Variants in WNK1 observed in about 807,000 individuals in gnomAD.
WNK1 encodes WNK lysine deficient protein kinase 1.
In WNK1, 38 loss-of-function variants were observed where a neutral mutation model predicts 222.8. The ratio of observed to expected loss-of-function variants is 0.17; its 90% CI spans 0.13 to 0.22. The LOEUF is 0.22. Ranked by LOEUF, WNK1 falls within the 10% of genes least tolerant of loss-of-function variation. WNK1 has a pLI of 1.00. For synonymous variants in WNK1, 1,090 were observed against 1,092.9 expected, an observed-to-expected ratio of 1.00 and a Z score of 0.05; for missense variants, 2,348 against 2,918.4, an observed-to-expected ratio of 0.80 and a Z score of 4.50.
At position 752,888 on chromosome 12, in the gene WNK1, G is replaced by A. The variant is rs1017765145; in HGVS notation, c.-678G>A. The A allele has an allele frequency of 3.9e-5, 6 of 152,190 alleles. No individual in the cohort carries two copies. Among genetic ancestry groups the A allele is most frequent in the East Asian group, 1.9e-4 (1 of 5,186 alleles). 9.4% of individuals were successfully genotyped at this position (152,190 alleles called of 1,614,324 possible). A position where few individuals can be genotyped will look rare whatever the true frequency, so the allele number is the denominator to read the frequency against. On this transcript the variant is annotated 5_prime_UTR_variant, in exon 1 of 28. Coordinates refer to ENST00000315939, the MANE Select transcript of WNK1 (RefSeq NM_018979.4). ...CGGGCGGGGAGGCCTCGGGGAAGGGGGGGCCCGCTCCTCAGGCGCCGAGGC... is the reference window on the plus strand; with the variant it reads ...CGGGCGGGGAGGCCTCGGGGAAGGGAGGGCCCGCTCCTCAGGCGCCGAGGC...
intron 4 of WNK1, among the ~76,000 whole-genome samples, chr12:839,188 G>A (rs933916487): frequency 1.6e-4 from 25 of 152,160 alleles, no homozygotes; most frequent in Non-Finnish European, 1.3e-4. Context: ...TATATATGAA[G>A]ATGCATGATT....
At chr12:776,404 T>TGTGTGTG (rs1943087132) in intron 1 of WNK1, among the ~76,000 whole-genome samples, 1 of 56,446 alleles carries the variant, frequency 1.8e-5, no homozygotes, top group African/African-American at 6.0e-5. Flanking sequence ...CTGTGTGTGT[T>TGTGTGTG]TGTGTGTTTG....
At chr12:808,908 C>T (rs1468236822) in intron 1 of WNK1, among the ~76,000 whole-genome samples, 1 of 151,854 alleles carries the variant, frequency 6.6e-6, no homozygotes, top group African/African-American at 2.4e-5. Context: ...GGATTACAGG[C>T]GCCTGCCACC....
At chr12:777,534 G>A (rs1473782054) in intron 1 of WNK1, among the ~76,000 whole-genome samples, 1 of 152,180 alleles carries the variant, frequency 6.6e-6, no homozygotes, top group Admixed American at 6.5e-5. Context: ...TTAGGCACTT[G>A]TGTTACTTTG....
intron 5 of WNK1, among the ~76,000 whole-genome samples, chr12:858,673 A>C (rs1950967310): frequency 6.6e-6 from 1 of 152,152 alleles, no homozygotes; most frequent in African/African-American, 2.4e-5. Context: ...AGAAACAAAA[A>C]TATTTATTTT....
intron 1 of WNK1, among the ~76,000 whole-genome samples, chr12:811,557 A>C (rs1431847616): frequency 6.6e-6 from 1 of 152,134 alleles, no homozygotes; most frequent in Non-Finnish European, 1.5e-5. Context: ...GTAAATGGCA[A>C]ATACTTGGCA....
At chr12:758,700 C>T (rs774868565) in intron 1 of WNK1, among the ~76,000 whole-genome samples, 2 of 147,108 alleles carry the variant, frequency 1.4e-5, no homozygotes, top group African/African-American at 4.9e-5. Flanking sequence ...GTGCCACATT[C>T]CTTATTTTTT....
chr12:883,899 G>A (rs1487442094), intron 17 of WNK1, 68 bp downstream of exon 17: 3 of 1,583,482 alleles, frequency 1.9e-6, no homozygotes, highest in African/African-American at 1.3e-5. Context: ...GTGGTGGCAG[G>A]CTTCTGTAGT....
chr12:827,409 A>T lies in WNK1; in HGVS notation c.1153+147A>T. On this transcript the variant is annotated intron_variant, in intron 3 of 27. Coordinates refer to ENST00000315939, the MANE Select transcript of WNK1 (RefSeq NM_018979.4). This position sits in a 1 kb window ranked among gnomAD's most constrained non-coding sequence, Gnocchi z 4.6. ...AGGTGATCCATTGTACTTATGAGAT[A>T]TAGGATTCTCTATATTTGTGCTTCT... 1 of 697,928 alleles carries T rather than the reference A, an allele frequency of 1.4e-6. No individual in the cohort carries two copies. 43.2% of individuals were successfully genotyped at this position (697,928 alleles called of 1,614,324 possible). A position where few individuals can be genotyped will look rare whatever the true frequency, so the allele number is the denominator to read the frequency against.
intron 1 of WNK1, among the ~76,000 whole-genome samples, chr12:773,984 A>T (rs565440192): frequency 6.6e-6 from 1 of 152,252 alleles, no homozygotes; most frequent in African/African-American, 2.4e-5. Context: ...ACCAAATTTA[A>T]TCTGTGTTGT....
chr12:787,686 T>G (rs1242045896), intron 1 of WNK1, among the ~76,000 whole-genome samples: 1 of 152,196 alleles, frequency 6.6e-6, no homozygotes, highest in African/African-American at 2.4e-5. Context: ...CTTTAATGTA[T>G]GTAGGCTGCT....
Position 884,265 on chromosome 12 carries a change from A to G in WNK1, c.3844+22A>G, listed in dbSNP as rs749604726. On this transcript the variant is annotated intron_variant, in intron 18 of 27. Transcript: ENST00000315939. The surrounding 1 kb of genome is among the most constrained non-coding windows in gnomAD (Gnocchi z 5.6). ...ACAGGTAAGGGATTGATTCTGCCAC[A>G]TTGTTATGTAAATTCTACAGTGCCT... The G allele has an allele frequency of 9.3e-6, 15 of 1,613,804 alleles. No individual in the cohort carries two copies. The highest frequency in any genetic ancestry group is 1.3e-5 in the Non-Finnish European group (15 of 1,179,832).
Position 753,622 on chromosome 12 carries a change from G to A in WNK1, c.57G>A (p.Ser19=). ...GCACTCCCGGTTCCCTGTTCCTCTC[G>A]CCGCCGGCTCCTGCCCCCAAGAATG... ...QSSTPGSLFL[S]PPAPAPKNGS... The change falls in exon 1 of 28, where the codon TCG becomes TCA. Residue 19 remains serine, a synonymous_variant. Coordinates refer to ENST00000315939, the MANE Select transcript of WNK1 (RefSeq NM_018979.4). This position sits in a 1 kb window ranked among gnomAD's most constrained non-coding sequence, Gnocchi z 5.2. The A allele has an allele frequency of 6.2e-7, 1 of 1,612,734 alleles. No individual in the cohort carries two copies. The highest frequency in any genetic ancestry group is 2.2e-5 in the East Asian group (1 of 44,864).
Position 896,886 on chromosome 12 carries a change from C to CCACA in WNK1, c.6245+204_6245+207dup, listed in dbSNP as rs34202153. Among the ~76,000 whole-genome samples the CCACA allele has an allele frequency of 1.5e-3, 208 of 134,606 alleles. 4 individuals are homozygous for CCACA. Among genetic ancestry groups the CCACA allele is most frequent in the African/African-American group, 5.6e-3 (191 of 34,086 alleles). The allele number at this position is 134,606 out of a possible 152,430, so 88.3% of individuals were successfully genotyped here. A position where few individuals can be genotyped will look rare whatever the true frequency, so the allele number is the denominator to read the frequency against. On this transcript the variant is annotated intron_variant, in intron 24 of 27. Transcript: ENST00000315939. ...AGAAGCCCCACCCCATACCTCCCCACCACACACACACACACACACACACAC... is the reference window on the plus strand; with the variant it reads ...AGAAGCCCCACCCCATACCTCCCCACCACACACACACACACACACACACACACAC...
chr12:896,688 C>T lies in WNK1; in HGVS notation c.6201C>T (p.Ile2067=), dbSNP rs748760769. 22 of 1,609,182 alleles carry T rather than the reference C, an allele frequency of 1.4e-5. No homozygotes were observed. The highest frequency in any genetic ancestry group is 3.4e-5 in the Admixed American group (2 of 59,048). Residue 2067 remains isoleucine, a synonymous_variant, in exon 24 of 28, where the codon ATC becomes ATT. Transcript: ENST00000315939. ...SYMSSDNESD[I]EDEDLKLELR... ...TGAGTAGCGACAATGAGTCAGATAT[C>T]GAAGATGAAGACTTAAAGTTAGAGC...
chr12:855,968 T>C lies in WNK1; in HGVS notation c.1312-1193T>C, dbSNP rs371171318. 5.3e-5 allele frequency among the ~76,000 whole-genome samples: 8 copies of C among 150,972 alleles called. No individual in the cohort carries two copies. In the East Asian group the frequency reaches 1.4e-3, roughly 26 times the overall value. On this transcript the variant is annotated intron_variant, in intron 4 of 27. Transcript: ENST00000315939. ...GATTCTCCTGCCTCAGCCTCCCGAG[T>C]AGCTGGGACTACAGGCATGCGCCAC...
At position 753,986 on chromosome 12, in the gene WNK1, G is replaced by A. The variant is rs11554421; in HGVS notation, c.421G>A (p.Ala141Thr). The change falls in exon 1 of 28, where the codon GCC (alanine) becomes ACC (threonine). Residue 141 changes from alanine (A) to threonine (T), a missense_variant. Physicochemically the swap from Ala to Thr is moderately conservative, Grantham distance 58 (BLOSUM62 0). Transcript: ENST00000315939. The surrounding 1 kb of genome is among the most constrained non-coding windows in gnomAD (Gnocchi z 5.2). ...GGTAGCCCAGCAGCCTCCAGCCGCT[G>A]CCGCCCCTGGGGAACAGGCCGTCGC... ...SQVAQQPPAA[A>T]APGEQAVAGP... The A allele has an allele frequency of 0.12, 191,113 of 1,591,360 alleles. 12,812 individuals are homozygous for A. Among genetic ancestry groups the A allele is most frequent in the Middle Eastern group, 0.17 (1,003 of 5,964 alleles).
At chr12:889,655 A>G (rs549421004) in intron 21 of WNK1, among the ~76,000 whole-genome samples, 1 of 152,212 alleles carries the variant, frequency 6.6e-6, no homozygotes, top group East Asian at 1.9e-4. Flanking sequence ...CATCTCTAGT[A>G]AAAATACAAA....
chr12:795,296 G>GTTTTTTTTTTTT (rs35447912), intron 1 of WNK1, among the ~76,000 whole-genome samples: 7 of 133,020 alleles, frequency 5.3e-5, no homozygotes, highest in Non-Finnish European at 6.4e-5. Context: ...ATTTTCCGTT[G>GTTTTTTTTTTTT]TTTTTTTTTT....
Sources: allele counts gnomAD v4.1 joint callset (sites outside exome capture counted in the v4.1 genomes callset), GRCh38; gene constraint gnomAD v4.1.1; non-coding constraint Gnocchi (gnomAD v3.1); transcripts MANE v1.5; gene names NCBI Gene and HGNC (gene_info 2026-07-23, HGNC 2026-07-21).